The following FAM184A variants were observed in gnomAD, a reference collection of about 807,000 sequenced individuals.
FAM184A encodes the protein family with sequence similarity 184 member A, also known as protein FAM184A.
In FAM184A, 99 loss-of-function variants were observed where a neutral mutation model predicts 143.8. The ratio of observed to expected loss-of-function variants is 0.69; its 90% CI spans 0.58 to 0.81. The LOEUF is 0.81. Ranked by LOEUF, FAM184A falls within the 40% of genes least tolerant of loss-of-function variation. FAM184A has a pLI of 0.00. For missense variants in FAM184A, 1,217 were observed against 1,310.5 expected (o/e 0.93, Z 1.10); for synonymous variants, 427 against 446.4 (o/e 0.96, Z 0.55).
At chr6:118,960,307 T>A (rs756546402) in intron 17 of FAM184A, 123 bp from the exon 18 acceptor site, 12 of 735,264 alleles carry the variant, frequency 1.6e-5, no homozygotes, top group Middle Eastern at 3.5e-4. Flanking sequence ...AAGTCGTGTT[T>A]TAAAGATTTG....
At chr6:119,104,993 T>G (rs1182427119) in intron 1 of FAM184A, among the ~76,000 whole-genome samples, 1 of 152,004 alleles carries the variant, frequency 6.6e-6, no homozygotes, top group Non-Finnish European at 1.5e-5. Flanking sequence ...AGAGGAACAT[T>G]CTATAAAACA....
chr6:118,960,282 G>T (rs1376134649), intron 17 of FAM184A, 98 bp from the exon 18 acceptor site: 2 of 911,750 alleles, frequency 2.2e-6, no homozygotes, highest in Non-Finnish European at 3.4e-6. Flanking sequence ...TACCACAACG[G>T]GTTCCCCATG....
At chr6:119,062,207 C>T (rs1388291901) in intron 1 of FAM184A, among the ~76,000 whole-genome samples, 1 of 152,010 alleles carries the variant, frequency 6.6e-6, no homozygotes, top group East Asian at 1.9e-4. Context: ...TTTGGTAAAA[C>T]AAAGAGAAAA....
At chr6:119,027,778 G>C (rs1293595379) in intron 1 of FAM184A, among the ~76,000 whole-genome samples, 2 of 152,152 alleles carry the variant, frequency 1.3e-5, no homozygotes, top group Non-Finnish European at 2.9e-5. Flanking sequence ...CTGGCATACA[G>C]ACTCCAGATA....
At chr6:119,033,096 T>C (rs1250518315) in intron 1 of FAM184A, among the ~76,000 whole-genome samples, 1 of 152,192 alleles carries the variant, frequency 6.6e-6, no homozygotes, top group Non-Finnish European at 1.5e-5. Context: ...AAAAAAATTA[T>C]TAAATATTCC....
At chr6:118,994,988 G>A (rs2114621006) in intron 9 of FAM184A, among the ~76,000 whole-genome samples, 1 of 152,300 alleles carries the variant, frequency 6.6e-6, no homozygotes, top group Non-Finnish European at 1.5e-5. Context: ...CTTTGAATAA[G>A]AAATCTGAAG....
intron 14 of FAM184A, among the ~76,000 whole-genome samples, chr6:118,970,008 A>ATATTTTTT: frequency 2.1e-4 from 4 of 19,052 alleles, no homozygotes; most frequent in African/African-American, 6.2e-4. Flanking sequence ...ATATATATAT[A>ATATTTTTT]TTTTTTTTTT....
Position 119,024,746 on chromosome 6 carries a change from T to A in FAM184A, c.227A>T (p.His76Leu), listed in dbSNP as rs1785570694. The stretch of plus-strand genomic sequence containing the variant: ...AAGAATTTGTTGAATTTCTTCTTCA[T>A]GAGCATCTTTGAGGGCTTGAATTGC... ...ESAIQALKDA[H>L]EEEIQQILAE... Residue 76 changes from histidine (H) to leucine (L), a missense_variant, in exon 2 of 18, where the codon CAT becomes CTT. By Grantham distance (99) the His-to-Leu change is moderately conservative. Coordinates refer to ENST00000338891, the MANE Select transcript of FAM184A (RefSeq NM_024581.6). The A allele has an allele frequency of 1.2e-6, 2 of 1,613,472 alleles. No homozygotes were observed. Among genetic ancestry groups the A allele is most frequent in the African/African-American group, 1.3e-5 (1 of 74,924 alleles).
At chr6:119,118,650 C>T (rs539564513) in intron 1 of FAM184A, among the ~76,000 whole-genome samples, 2 of 152,304 alleles carry the variant, frequency 1.3e-5, no homozygotes, top group South Asian at 4.1e-4. Context: ...AATCAATACC[C>T]TTGTGATTTC....
Position 119,003,512 on chromosome 6 carries a change from A to T in FAM184A, c.1926T>A (p.Thr642=). The change falls in exon 8 of 18, where the codon ACT becomes ACA. Residue 642 remains threonine, a synonymous_variant. Coordinates refer to ENST00000338891, the MANE Select transcript of FAM184A (RefSeq NM_024581.6). ...KMAHDLEIKW[T]ENLRQECSKL... ...AATAAAAAATGTACCTAAGATTTTC[A>T]GTCCACTTAATTTCTAAGTCATGGG... The T allele has an allele frequency of 6.2e-7, 1 of 1,610,872 alleles. No homozygotes were observed. Among genetic ancestry groups the T allele is most frequent in the Non-Finnish European group, 8.5e-7 (1 of 1,178,854 alleles).
At chr6:118,986,065 G>A (rs1241205767) in intron 9 of FAM184A, among the ~76,000 whole-genome samples, 2 of 152,122 alleles carry the variant, frequency 1.3e-5, no homozygotes, top group African/African-American at 4.8e-5. Flanking sequence ...AGGCCGAAGC[G>A]GGCGGATCAC....
chr6:119,049,515 C>G (rs1403665179), intron 1 of FAM184A, among the ~76,000 whole-genome samples: 1 of 152,000 alleles, frequency 6.6e-6, no homozygotes, highest in Non-Finnish European at 1.5e-5. Flanking sequence ...AATAGAGAGT[C>G]CAGAAACAAG....
In FAM184A at chr6:119,026,656, C is replaced by T. The variant is rs530922143; in HGVS notation, c.160-1843G>A. Among the ~76,000 whole-genome samples the T allele has an allele frequency of 3.6e-4, 55 of 152,142 alleles. 1 individual carries two copies. The highest frequency in any genetic ancestry group is 6.2e-4 in the South Asian group (3 of 4,810). On this transcript the variant is annotated intron_variant, in intron 1 of 17. Transcript: ENST00000338891. ...ACTTCGGGATTTAGACACAACTGAC[C>T]GACGTTAACATTAAAACAGAGATCA...
intron 1 of FAM184A, among the ~76,000 whole-genome samples, chr6:119,090,418 G>A (rs1423785880): frequency 6.6e-6 from 1 of 152,172 alleles, no homozygotes; most frequent in African/African-American, 2.4e-5. Context: ...GAGAGTGGGA[G>A]TCAGGAAGGC....
intron 6 of FAM184A, among the ~76,000 whole-genome samples, chr6:119,010,187 C>A (rs1263588789): frequency 6.6e-6 from 1 of 152,202 alleles, no homozygotes; most frequent in African/African-American, 2.4e-5. Context: ...ACTTCTTCTA[C>A]TATAAACAGT....
chr6:118,989,752 T>C (rs1036519797), intron 9 of FAM184A, among the ~76,000 whole-genome samples: 2 of 151,764 alleles, frequency 1.3e-5, no homozygotes, highest in African/African-American at 4.8e-5. Context: ...TTCTCCAGAC[T>C]TCACAAAACT....
intron 1 of FAM184A, among the ~76,000 whole-genome samples, chr6:119,046,971 A>G (rs1786559297): frequency 6.6e-6 from 1 of 152,212 alleles, no homozygotes; most frequent in Admixed American, 6.5e-5. Flanking sequence ...ATATTTGCAA[A>G]CTACCCATCT....
At chr6:119,003,281 G>C (rs755846695) in intron 8 of FAM184A, among the ~76,000 whole-genome samples, 7 of 152,056 alleles carry the variant, frequency 4.6e-5, no homozygotes, top group Non-Finnish European at 1.0e-4. Context: ...TAAGTCTTCT[G>C]ACTTTAGGTT....
chr6:118,966,596 T>C (rs1783509202), intron 15 of FAM184A, among the ~76,000 whole-genome samples: 2 of 152,178 alleles, frequency 1.3e-5, no homozygotes, highest in South Asian at 4.1e-4. Flanking sequence ...ACATTCAATA[T>C]GTATCAAAAA....
Sources: gnomAD v4.1 joint callset for allele counts (sites outside exome capture counted in the v4.1 genomes callset) on GRCh38, gnomAD v4.1.1 for gene constraint, MANE v1.5 for transcripts, NCBI Gene and HGNC (gene_info 2026-07-23, HGNC 2026-07-21) for gene names.